Variants in HABP2 observed in about 807,000 individuals in gnomAD.
HABP2 encodes the protein hyaluronan binding protein 2.
Under a neutral mutation model 66.5 loss-of-function variants are expected in HABP2, and 65 were observed. The ratio of observed to expected loss-of-function variants is 0.98; its 90% CI spans 0.80 to 1.20. The LOEUF (loss-of-function observed/expected upper bound fraction) is 1.20. Among genes scored for constraint, HABP2 ranks in the 50% most tolerant of loss-of-function variants. The probability of loss-of-function intolerance (pLI) is 0.00; values close to 1 mark genes in which losing one functional copy is unlikely to be tolerated. For missense variants in HABP2, 786 were observed against 691.0 expected, an observed-to-expected ratio of 1.14 and a Z score of -1.54; for synonymous variants, 263 against 253.9, an observed-to-expected ratio of 1.04 and a Z score of -0.34.
intron 4 of HABP2, 30 bp downstream of exon 4, chr10:113,576,034 C>A: frequency 8.5e-7 from 1 of 1,170,312 alleles, no homozygotes; most frequent in Non-Finnish European, 1.3e-6. Context: ...TCCACTCTTC[C>A]CTCTGAGTTA....
intron 4 of HABP2, 148 bp from the exon 5 acceptor site, chr10:113,577,002 C>T (rs1845423758): frequency 3.2e-6 from 2 of 621,138 alleles, no homozygotes; most frequent in Non-Finnish European, 2.9e-6. Flanking sequence ...TAGACAGAAG[C>T]CTTGTCCTGG....
chr10:113,572,307 G>A (rs11575734), intron 2 of HABP2, among the ~76,000 whole-genome samples: 2,089 of 152,180 alleles, frequency 0.014, 58 homozygotes, highest in African/African-American at 0.047. Context: ...TTCATCCCTC[G>A]TCACCTGGAA....
chr10:113,581,773 C>A, intron 8 of HABP2, 103 bp from the exon 9 acceptor site: 1 of 1,162,956 alleles, frequency 8.6e-7, no homozygotes, highest in Non-Finnish European at 1.3e-6. Context: ...CAGCTCTGGA[C>A]CCCTGCTCAG....
chr10:113,588,227 C>T lies in HABP2; in HGVS notation c.1541C>T (p.Thr514Ile), dbSNP rs1845696095. 1.2e-6 allele frequency: 2 copies of T among 1,610,978 alleles called. No homozygotes were observed. The highest frequency in any genetic ancestry group is 1.1e-5 in the South Asian group (1 of 90,460). Residue 514 changes from threonine to isoleucine, a missense_variant, in exon 13 of 13, where the codon ACC becomes ATC. Coordinates refer to ENST00000351270, the MANE Select transcript of HABP2 (RefSeq NM_004132.5). ...TCQGDSGGPL[T>I]CEKDGTYYVY... is the part of the protein sequence containing the mutation. The stretch of plus-strand genomic sequence containing the variant: ...TAGGGTGACTCTGGAGGCCCCCTGA[C>T]CTGTGAGAAGGACGGCACCTACTAC...
At chr10:113,566,654 T>C (rs2419836) in intron 1 of HABP2, among the ~76,000 whole-genome samples, 71,844 of 152,004 alleles carry the variant, frequency 0.47, 17,577 homozygotes, top group South Asian at 0.57. Context: ...CAGTAAGGAT[T>C]ATGGAGGGAA....
intron 11 of HABP2, 104 bp downstream of exon 11, chr10:113,584,386 C>A: frequency 1.1e-6 from 1 of 908,928 alleles, no homozygotes; most frequent in South Asian, 1.5e-5. Flanking sequence ...GTGTCATATT[C>A]AAAATGCATC....
At chr10:113,575,866 A>G (rs2133770336) in intron 3 of HABP2, 31 bp from the exon 4 acceptor site, 10 of 1,302,742 alleles carry the variant, frequency 7.7e-6, no homozygotes, top group Non-Finnish European at 9.9e-6. Flanking sequence ...GCCTTTCCTT[A>G]CCAACATTGC....
chr10:113,588,757 C>A lies in HABP2; in HGVS notation c.*388C>A, dbSNP rs956035881. 3.0e-5 allele frequency: 17 copies of A among 573,586 alleles called. No individual in the cohort carries two copies. Among genetic ancestry groups the A allele is most frequent in the Middle Eastern group, 4.5e-4 (1 of 2,212 alleles). 35.5% of individuals were successfully genotyped at this position (573,586 alleles called of 1,614,324 possible). ...ACATCTTTATTCCTCAGCCCAGACACTCGAGGCACTCAACAGAATCAGCCA... is the reference window on the plus strand; with the variant it reads ...ACATCTTTATTCCTCAGCCCAGACAATCGAGGCACTCAACAGAATCAGCCA... On this transcript the variant is annotated 3_prime_UTR_variant, in exon 13 of 13. Transcript: ENST00000351270.
At chr10:113,551,361 A>T (rs1341654874), upstream of HABP2, among the ~76,000 whole-genome samples, 1 of 152,236 alleles carries the variant, frequency 6.6e-6, no homozygotes, top group East Asian at 1.9e-4. Context: ...CTGAGGAAGT[A>T]ATGTTTGGGC....
chr10:113,553,772 C>T (rs1218827134), intron 1 of HABP2, among the ~76,000 whole-genome samples: 1 of 152,092 alleles, frequency 6.6e-6, no homozygotes, highest in Non-Finnish European at 1.5e-5. Context: ...TGAGCAGGGG[C>T]CCAAGGGAGG....
chr10:113,578,547 G>A (rs537436055), intron 6 of HABP2, 80 bp from the exon 7 acceptor site: 12 of 952,236 alleles, frequency 1.3e-5, no homozygotes, highest in South Asian at 8.9e-5. Context: ...CTCTCACCAT[G>A]TCACATACCC....
intron 5 of HABP2, 56 bp downstream of exon 5, chr10:113,577,322 C>G: frequency 1.1e-6 from 1 of 913,752 alleles, no homozygotes; most frequent in Non-Finnish European, 1.8e-6. Flanking sequence ...CTTGTACCTG[C>G]ACCCTTCTGC....
intron 2 of HABP2, among the ~76,000 whole-genome samples, chr10:113,571,999 T>C (rs542083639): frequency 6.6e-6 from 1 of 152,350 alleles, no homozygotes; most frequent in South Asian, 2.1e-4. Flanking sequence ...ATGATACTCC[T>C]GTAAAGCACC....
chr10:113,553,165 C>T lies in HABP2; in HGVS notation c.44C>T (p.Ala15Val), dbSNP rs767981351. The T allele has an allele frequency of 1.2e-6, 2 of 1,613,024 alleles. No homozygotes were observed. Among genetic ancestry groups the T allele is most frequent in the Non-Finnish European group, 1.7e-6 (2 of 1,179,020 alleles). Reference protein sequence around the residue: ...MSDLHVLLLMALVGKTACGFS... With the variant: ...MSDLHVLLLMVLVGKTACGFS... Reference sequence around the variant, plus strand: ...GATCTCCATGTTCTGCTGTTAATGGCTCTGGTGGGAAAGACAGCCTGTGGG... The same window carrying T: ...GATCTCCATGTTCTGCTGTTAATGGTTCTGGTGGGAAAGACAGCCTGTGGG... The change falls in exon 1 of 13, where the codon GCT (alanine) becomes GTT (valine). Residue 15 changes from alanine to valine, a missense_variant. Ala to Val is a moderately conservative substitution (Grantham distance 64). Transcript: ENST00000351270.
At chr10:113,566,754 G>A (rs1333469309) in intron 1 of HABP2, among the ~76,000 whole-genome samples, 1 of 152,204 alleles carries the variant, frequency 6.6e-6, no homozygotes, top group East Asian at 1.9e-4. Context: ...CTGAGACCTA[G>A]CGAAGGTCAT....
In HABP2 at chr10:113,589,403, C is replaced by G. The variant is rs893241507; in HGVS notation, c.*1034C>G. The G allele has an allele frequency of 1.7e-5, 10 of 576,994 alleles. No individual in the cohort carries two copies. Among genetic ancestry groups the G allele is most frequent in the Non-Finnish European group, 2.7e-5 (9 of 327,408 alleles). 35.7% of individuals were successfully genotyped at this position (576,994 alleles called of 1,614,324 possible). On this transcript the variant is annotated 3_prime_UTR_variant, in exon 13 of 13. Transcript: ENST00000351270. Reference sequence around the variant, plus strand: ...CAGCACAGCCTGGGCTGCCCTGGCCCGGGATTGATGTAGCCCCGGTAGGTT... The same window carrying G: ...CAGCACAGCCTGGGCTGCCCTGGCCGGGGATTGATGTAGCCCCGGTAGGTT...
intron 3 of HABP2, among the ~76,000 whole-genome samples, chr10:113,575,674 C>T (rs1040087032): frequency 2.6e-5 from 4 of 152,178 alleles, no homozygotes; most frequent in Non-Finnish European, 5.9e-5. Context: ...GTGGTTCCTT[C>T]TCGCCTCTCC....
chr10:113,559,686 A>G (rs1003146483), intron 1 of HABP2, among the ~76,000 whole-genome samples: 12 of 152,244 alleles, frequency 7.9e-5, no homozygotes, highest in Non-Finnish European at 4.4e-5. Context: ...TCTTATGCAC[A>G]TTGAGGTTTA....
At chr10:113,568,131 G>T (rs1845234599) in intron 2 of HABP2, among the ~76,000 whole-genome samples, 1 of 152,196 alleles carries the variant, frequency 6.6e-6, no homozygotes, top group African/African-American at 2.4e-5. Flanking sequence ...TCGGCCTTGT[G>T]CCCACAGCGT....
Sources: gnomAD v4.1 joint callset for allele counts (sites outside exome capture counted in the v4.1 genomes callset) on GRCh38, gnomAD v4.1.1 for gene constraint, MANE v1.5 for transcripts, NCBI Gene and HGNC (gene_info 2026-07-23, HGNC 2026-07-21) for gene names.